FAM161A: variants seen among roughly 807,000 people sequenced by gnomAD.
The protein encoded by FAM161A is protein FAM161A.
In FAM161A, 57 loss-of-function variants were observed where a neutral mutation model predicts 70.9. The observed-to-expected ratio is 0.80, with a 90% CI of 0.65 to 1.00. The LOEUF (loss-of-function observed/expected upper bound fraction) is 1.00, where lower values mean the gene tolerates loss of function less well. Ranked by LOEUF, FAM161A falls within the 50% of genes least tolerant of loss-of-function variation. The pLI, the probability that FAM161A is intolerant of heterozygous loss-of-function variation, is 0.00. For synonymous variants in FAM161A, 299 were observed against 295.7 expected (o/e 1.01, Z -0.12); for missense variants, 880 against 836.0 (o/e 1.05, Z -0.65).
downstream of FAM161A, among the ~76,000 whole-genome samples, chr2:61,822,311 A>G (rs1486609209): frequency 1.3e-5 from 2 of 152,040 alleles, no homozygotes; most frequent in Non-Finnish European, 2.9e-5. Context: ...AGTTATTCCT[A>G]TAACTTTTCT....
rs201109013 is a variant in FAM161A at position 61,838,621 on chromosome 2, C to G, written c.1668G>C (p.Gln556His). 222 of 1,611,974 alleles carry G rather than the reference C, an allele frequency of 1.4e-4. No homozygotes were observed. Among genetic ancestry groups the G allele is most frequent in the Non-Finnish European group, 1.8e-4 (217 of 1,179,500 alleles). ...CCTTAGCCCGGGTTGTCAGGAGTTT[C>G]TGCAATTCTTTCATTCTTTGCTTCT... ...TKQKQRMKELQKLLTTRAKAY... is the reference protein window; with the variant it reads ...TKQKQRMKELHKLLTTRAKAY... Residue 556 changes from glutamine to histidine, a missense_variant, in exon 4 of 7, where the codon CAG becomes CAC. Gln to His is a conservative substitution (Grantham distance 24). Transcript: ENST00000404929.
intron 1 of FAM161A, among the ~76,000 whole-genome samples, chr2:61,849,652 G>A (rs1219589142): frequency 6.6e-6 from 1 of 151,620 alleles, no homozygotes; most frequent in Non-Finnish European, 1.5e-5. Context: ...AGGTGTGGTG[G>A]TGTGCACCTG....
intron 1 of FAM161A, among the ~76,000 whole-genome samples, chr2:61,847,183 C>A (rs1274001659): frequency 6.6e-6 from 1 of 151,956 alleles, no homozygotes; most frequent in Non-Finnish European, 1.5e-5. Flanking sequence ...AACAAAAATC[C>A]ACAGAATTAC....
rs115769808 is a variant in FAM161A at position 61,830,116 on chromosome 2, T to A, written c.1852-2858A>T. Among the ~76,000 whole-genome samples, 759 of 152,330 alleles carry A rather than the reference T, an allele frequency of 5.0e-3. 3 individuals are homozygous for A. Among genetic ancestry groups the A allele is most frequent in the African/African-American group, 0.018 (739 of 41,570 alleles). On this transcript the variant is annotated intron_variant, in intron 5 of 6. Transcript: ENST00000404929. ...TGGTGAGAATGGATGATTGTCCCTG[T>A]TATAAAGGCTTATTAATTGTCTACC...
intron 1 of FAM161A, among the ~76,000 whole-genome samples, chr2:61,846,226 T>A (rs1014480306): frequency 6.6e-6 from 1 of 151,784 alleles, no homozygotes; most frequent in African/African-American, 2.4e-5. Context: ...AGGCTGTGCA[T>A]AGCAGAGGGC....
intron 4 of FAM161A, chr2:61,836,368 G>C (rs1400901154): frequency 6.0e-6 from 2 of 334,874 alleles, no homozygotes; most frequent in African/African-American, 2.1e-5. Flanking sequence ...GAATAGTCTG[G>C]ACACTTTAAT....
At chr2:61,811,146 G>T in the FAM161A span, among the ~76,000 whole-genome samples, 3 of 151,970 alleles carry the variant, frequency 2.0e-5, no homozygotes, top group African/African-American at 7.3e-5. Context: ...CTACAACTCT[G>T]GTCCAAGCCA....
chr2:61,834,907 TGTC>T (rs1672716521), intron 5 of FAM161A, among the ~76,000 whole-genome samples: 4 of 152,178 alleles, frequency 2.6e-5, no homozygotes, highest in Non-Finnish European at 5.9e-5. Flanking sequence ...CTGGAGATAA[TGTC>T]TTTGAGCCAA....
At chr2:61,804,776 AAGAAAG>A in the FAM161A span, among the ~76,000 whole-genome samples, 21 of 143,458 alleles carry the variant, frequency 1.5e-4, no homozygotes, top group African/African-American at 5.0e-4. Flanking sequence ...AAGAGAAAGA[AAGAAAG>A]AAAGAAAGAA....
the FAM161A span, among the ~76,000 whole-genome samples, chr2:61,803,930 C>G: frequency 1.8e-3 from 277 of 152,212 alleles, 9 homozygotes; most frequent in Admixed American, 1.3e-3. Context: ...AGATCTTGCC[C>G]AAGAAAGAAT....
the FAM161A span, among the ~76,000 whole-genome samples, chr2:61,805,348 T>A: frequency 6.6e-6 from 1 of 152,042 alleles, no homozygotes; most frequent in Non-Finnish European, 1.5e-5. Flanking sequence ...AAACCCCGTG[T>A]CTACTAAAAA....
the FAM161A span, among the ~76,000 whole-genome samples, chr2:61,807,501 C>T: frequency 2.0e-5 from 3 of 151,668 alleles, no homozygotes; most frequent in Non-Finnish European, 4.4e-5. Context: ...ATTTTCTTGC[C>T]TGTATCTTAC....
the FAM161A span, among the ~76,000 whole-genome samples, chr2:61,816,293 A>G: frequency 6.6e-6 from 1 of 152,016 alleles, no homozygotes; most frequent in African/African-American, 2.4e-5. Flanking sequence ...TCACCCTCCC[A>G]CTGCCTGGGT....
intron 1 of FAM161A, among the ~76,000 whole-genome samples, chr2:61,844,436 C>T (rs1292530192): frequency 6.6e-6 from 1 of 152,056 alleles, no homozygotes; most frequent in African/African-American, 2.4e-5. Flanking sequence ...CAGTGGCTCA[C>T]ACCTATAATC....
At chr2:61,830,838 T>C (rs937046469) in intron 5 of FAM161A, among the ~76,000 whole-genome samples, 1 of 151,812 alleles carries the variant, frequency 6.6e-6, no homozygotes, top group Non-Finnish European at 1.5e-5. Context: ...TGGCTGGATG[T>C]GGTGGTTCAC....
In FAM161A at chr2:61,853,951, C is replaced by T. The variant is rs955303334; in HGVS notation, c.91G>A (p.Glu31Lys). ...PITGARVAQY[E>K]REDPLKALAA... ...AGGGCCTTTAAGGGGTCTTCGCGTT[C>T]GTACTGGGCGACCCGCGCTCCAGTG... The change falls in exon 1 of 7, where the codon GAA becomes AAA. Residue 31 changes from glutamate (E) to lysine (K), a missense_variant. Physicochemically the swap from Glu to Lys is moderately conservative, Grantham distance 56. Transcript: ENST00000404929. 1 of 1,613,906 alleles carries T rather than the reference C, an allele frequency of 6.2e-7. No homozygotes were observed. The highest frequency in any genetic ancestry group is 1.7e-5 in the Admixed American group (1 of 60,020).
the FAM161A span, among the ~76,000 whole-genome samples, chr2:61,813,818 T>C: frequency 6.6e-6 from 1 of 152,198 alleles, no homozygotes; most frequent in African/African-American, 2.4e-5. Flanking sequence ...ATTATGGATT[T>C]ATGTATTGGT....
At chr2:61,808,814 G>A in the FAM161A span, among the ~76,000 whole-genome samples, 1 of 152,292 alleles carries the variant, frequency 6.6e-6, no homozygotes, top group Non-Finnish European at 1.5e-5. Context: ...TTGGGAGGGA[G>A]TGGGGAGTGG....
At chr2:61,813,618 C>T in the FAM161A span, among the ~76,000 whole-genome samples, 7 of 144,294 alleles carry the variant, frequency 4.9e-5, no homozygotes, top group East Asian at 1.2e-3. Context: ...ATTTGGGAGG[C>T]TGAGGTGGAA....
Sources: allele counts gnomAD v4.1 joint callset (sites outside exome capture counted in the v4.1 genomes callset), GRCh38; gene constraint gnomAD v4.1.1; transcripts MANE v1.5; gene names NCBI Gene and HGNC (gene_info 2026-07-23, HGNC 2026-07-21).